The following CUX1 variants were observed in gnomAD, a reference collection of about 807,000 sequenced individuals.
CUX1 encodes the protein cut like homeobox 1.
CUX1 carries 31 observed loss-of-function variants against 158.8 expected under a neutral mutation model. That is an observed-to-expected ratio of 0.20 (90% CI 0.15 to 0.26). CUX1 has a LOEUF of 0.26. CUX1 is among the 10% of genes least tolerant of loss of function. CUX1 has a pLI of 1.00. For synonymous variants in CUX1, 879 were observed against 862.1 expected (o/e 1.02, Z -0.34); for missense variants, 1,589 against 2,014.6 (o/e 0.79, Z 4.04).
intron 6 of CUX1, among the ~76,000 whole-genome samples, chr7:102,107,385 A>G (rs1830466405): frequency 6.6e-6 from 1 of 151,712 alleles, no homozygotes; most frequent in African/African-American, 2.4e-5. Flanking sequence ...CTGAAAAAAT[A>G]CAAAATAAGC....
chr7:101,892,489 A>G (rs1450606066), intron 1 of CUX1, among the ~76,000 whole-genome samples: 1 of 152,226 alleles, frequency 6.6e-6, no homozygotes, highest in African/African-American at 2.4e-5. Context: ...CACTTCAACA[A>G]GAAAATTTTG....
chr7:102,131,108 CAA>C (rs575289482), intron 8 of CUX1, among the ~76,000 whole-genome samples: 27 of 65,694 alleles, frequency 4.1e-4, no homozygotes, highest in African/African-American at 8.9e-4. Context: ...GACTCCATCT[CAA>C]AAAAAAAAAA....
At chr7:101,892,856 A>G (rs1801039876) in intron 1 of CUX1, among the ~76,000 whole-genome samples, 1 of 152,184 alleles carries the variant, frequency 6.6e-6, no homozygotes, top group Admixed American at 6.5e-5. Context: ...TTTAATATTT[A>G]TTATATGAAT....
At chr7:102,023,079 G>A (rs1055197194) in intron 2 of CUX1, among the ~76,000 whole-genome samples, 1 of 152,146 alleles carries the variant, frequency 6.6e-6, no homozygotes, top group East Asian at 1.9e-4. Flanking sequence ...GCAGGGCGGG[G>A]TGGCTCGCAC....
chr7:102,175,195 C>T (rs1486022611), intron 10 of CUX1, among the ~76,000 whole-genome samples: 1 of 152,190 alleles, frequency 6.6e-6, no homozygotes, highest in Non-Finnish European at 1.5e-5. Flanking sequence ...CTGCCCGGTC[C>T]CCACTCTGGG....
At chr7:102,153,074 G>T (rs1012847834) in intron 8 of CUX1, among the ~76,000 whole-genome samples, 1 of 152,250 alleles carries the variant, frequency 6.6e-6, no homozygotes. Flanking sequence ...GCGTCAGTGG[G>T]ACTGATTTTT....
At chr7:102,259,557 C>T (rs1464044594), downstream of CUX1, among the ~76,000 whole-genome samples, 3 of 152,080 alleles carry the variant, frequency 2.0e-5, no homozygotes, top group African/African-American at 2.4e-5. Context: ...CACTGCACTC[C>T]GGCCTGGGCG....
intron 2 of CUX1, among the ~76,000 whole-genome samples, chr7:101,954,760 A>G (rs1300886621): frequency 6.6e-6 from 1 of 152,260 alleles, no homozygotes; most frequent in African/African-American, 2.4e-5. Flanking sequence ...CGCAGGTGGC[A>G]TCATGAACAC....
chr7:102,078,055 A>T (rs537906577), intron 4 of CUX1, among the ~76,000 whole-genome samples: 8 of 152,214 alleles, frequency 5.3e-5, no homozygotes, highest in African/African-American at 1.9e-4. Context: ...TGTTCCAGAA[A>T]CATCTTAGTA....
At chr7:101,968,795 T>C (rs991363872) in intron 2 of CUX1, among the ~76,000 whole-genome samples, 2 of 151,990 alleles carry the variant, frequency 1.3e-5, no homozygotes, top group African/African-American at 4.8e-5. Flanking sequence ...GGAGAGTTGG[T>C]AGGGAGAGGA....
chr7:101,848,051 C>CAAAAAAAAAAAAAAAAAAAA (rs57428019), intron 1 of CUX1, among the ~76,000 whole-genome samples: 4 of 65,374 alleles, frequency 6.1e-5, no homozygotes, highest in African/African-American at 2.0e-4. Context: ...GAGCAAGACT[C>CAAAAAAAAAAAAAAAAAAAA]AAAAAAAAAA....
intron 2 of CUX1, among the ~76,000 whole-genome samples, chr7:102,024,180 C>T (rs977191410): frequency 1.2e-4 from 19 of 152,234 alleles, no homozygotes; most frequent in African/African-American, 4.6e-4. Context: ...TGCCCCTGCG[C>T]CCCAGCCCCC....
At chr7:101,950,167 A>C in intron 2 of CUX1, among the ~76,000 whole-genome samples, 1 of 151,616 alleles carries the variant, frequency 6.6e-6, no homozygotes, top group Non-Finnish European at 1.5e-5. Flanking sequence ...CCGCCACCAC[A>C]CCCGGCTAAT....
At chr7:102,185,653 T>C (rs1793548471) in intron 11 of CUX1, among the ~76,000 whole-genome samples, 1 of 151,728 alleles carries the variant, frequency 6.6e-6, no homozygotes, top group South Asian at 2.1e-4. Flanking sequence ...TTGTCGTGCT[T>C]ATCTTGAACT....
intron 3 of CUX1, among the ~76,000 whole-genome samples, chr7:102,049,143 A>G (rs963816254): frequency 6.6e-6 from 1 of 152,206 alleles, no homozygotes; most frequent in Non-Finnish European, 1.5e-5. Context: ...TACTGGGGGC[A>G]GGAGCTGGGA....
rs527507266 is a variant in CUX1 at position 102,239,642 on chromosome 7, C to T, written c.3887+58C>T. The stretch of plus-strand genomic sequence containing the variant: ...GGCCCAGGGGAAGGGGCTGATCTGT[C>T]CGGAGGCCGCCATGGCGCACAGGGG... On this transcript the variant is annotated intron_variant, in intron 23 of 23. Transcript: ENST00000292535. 9.5e-5 allele frequency: 148 copies of T among 1,552,098 alleles called. No individual in the cohort carries two copies. The African/African-American group carries it at 1.9e-3, about 20-fold the overall frequency.
chr7:102,203,637 C>T (rs961670876), intron 18 of CUX1, among the ~76,000 whole-genome samples: 14 of 152,144 alleles, frequency 9.2e-5, no homozygotes, highest in Admixed American at 6.5e-5. Flanking sequence ...TTGTTTGGCC[C>T]GTGAGTGCAG....
At chr7:101,878,773 C>A (rs1799421554) in intron 1 of CUX1, among the ~76,000 whole-genome samples, 1 of 152,008 alleles carries the variant, frequency 6.6e-6, no homozygotes, top group African/African-American at 2.4e-5. Flanking sequence ...CCCAGGCTCA[C>A]ACAATTCTCC....
At chr7:101,873,132 A>G (rs1798754687) in intron 1 of CUX1, among the ~76,000 whole-genome samples, 2 of 150,314 alleles carry the variant, frequency 1.3e-5, no homozygotes, top group Admixed American at 6.6e-5. Flanking sequence ...AGGTCTCCCA[A>G]AGTGCTAGGA....
Sources: allele counts gnomAD v4.1 joint callset (sites outside exome capture counted in the v4.1 genomes callset), GRCh38; gene constraint gnomAD v4.1.1; transcripts MANE v1.5; gene names NCBI Gene and HGNC (gene_info 2026-07-23, HGNC 2026-07-21).